The following DUSP19 variants were observed in gnomAD, a reference collection of about 807,000 sequenced individuals.
DUSP19 encodes the protein dual specificity protein phosphatase 19.
DUSP19 carries 14 observed loss-of-function variants against 16.6 expected under a neutral mutation model. That is an observed-to-expected ratio of 0.84 (90% CI 0.56 to 1.32). The LOEUF (loss-of-function observed/expected upper bound fraction) is 1.32, where lower values mean the gene tolerates loss of function less well. Ranked by LOEUF, DUSP19 falls within the 40% of genes most tolerant of loss-of-function variation. DUSP19 has a pLI of 0.00. For synonymous variants in DUSP19, 81 were observed against 90.5 expected, an observed-to-expected ratio of 0.90 and a Z score of 0.59; for missense variants, 258 against 255.9, an observed-to-expected ratio of 1.01 and a Z score of -0.06.
intron 2 of DUSP19, among the ~76,000 whole-genome samples, 188 bp from the exon 3 acceptor site, chr2:183,086,852 A>C (rs1204311960): frequency 6.6e-6 from 1 of 151,794 alleles, no homozygotes; most frequent in Non-Finnish European, 1.5e-5. Context: ...GTTAAAAGAG[A>C]GAGAGAGAGA....
chr2:183,080,531 A>G (rs1001601962), intron 1 of DUSP19, among the ~76,000 whole-genome samples: 7 of 152,222 alleles, frequency 4.6e-5, no homozygotes, highest in African/African-American at 1.7e-4. Context: ...CATATCTAGG[A>G]AAGAAAATAC....
chr2:183,083,548 G>A lies in DUSP19; in HGVS notation c.267G>A (p.Lys89=). The change falls in exon 2 of 4, where the codon AAG becomes AAA. Residue 89 remains lysine, a synonymous_variant. Transcript: ENST00000354221. ...DAAHDLDTLK[K]NKVTHILNVA... The stretch of plus-strand genomic sequence containing the variant: ...CTCATGATTTGGATACACTGAAAAA[G>A]AATAAGGTAAAAAAATGCTTTAAGT... 6.2e-7 allele frequency: 1 copy of A among 1,610,850 alleles called. No individual in the cohort carries two copies. The highest frequency in any genetic ancestry group is 8.5e-7 in the Non-Finnish European group (1 of 1,178,546).
At chr2:183,085,784 G>A (rs374940752) in intron 2 of DUSP19, among the ~76,000 whole-genome samples, 2 of 146,762 alleles carry the variant, frequency 1.4e-5, no homozygotes, top group Non-Finnish European at 3.0e-5. Flanking sequence ...GAAGATGCAC[G>A]AGCACATCCT....
At chr2:183,084,662 G>A (rs1174218338) in intron 2 of DUSP19, among the ~76,000 whole-genome samples, 1 of 152,172 alleles carries the variant, frequency 6.6e-6, no homozygotes, top group Non-Finnish European at 1.5e-5. Flanking sequence ...AAAGACTATG[G>A]AAAGCCACTG....
Position 183,079,115 on chromosome 2 carries a change from G to A in DUSP19, c.182G>A (p.Ser61Asn). 2 of 1,613,984 alleles carry A rather than the reference G, an allele frequency of 1.2e-6. No homozygotes were observed. The highest frequency in any genetic ancestry group is 1.3e-5 in the African/African-American group (1 of 74,998). ...GGGCGYVQDL[S>N]SDLQVGVIKP... ...GGTTGTGGTTATGTGCAGGACCTTA[G>A]CTCGGACCTGCAAGTTGGCGTTATT... is the stretch of plus-strand genomic sequence containing the variant. The change falls in exon 1 of 4, where the codon AGC (serine) becomes AAC (asparagine). Residue 61 changes from serine to asparagine, a missense_variant. Ser to Asn is a conservative substitution (Grantham distance 46). Coordinates refer to ENST00000354221, the MANE Select transcript of DUSP19 (RefSeq NM_080876.4).
intron 2 of DUSP19, among the ~76,000 whole-genome samples, chr2:183,086,205 C>T (rs1699659802): frequency 6.6e-6 from 1 of 152,062 alleles, no homozygotes; most frequent in African/African-American, 2.4e-5. Context: ...AAGAGTTCAT[C>T]AGGTGACTCT....
chr2:183,082,928 T>G (rs1355798629), intron 1 of DUSP19, among the ~76,000 whole-genome samples: 3 of 147,584 alleles, frequency 2.0e-5, no homozygotes, highest in Non-Finnish European at 4.5e-5. Flanking sequence ...GTTTTCTTTC[T>G]TCTGGCTGTG....
chr2:183,083,041 A>G (rs1699614373), intron 1 of DUSP19, among the ~76,000 whole-genome samples: 2 of 152,076 alleles, frequency 1.3e-5, no homozygotes, highest in Non-Finnish European at 2.9e-5. Flanking sequence ...ACCTGGGAAT[A>G]CAAGCATGCA....
At position 183,098,531 on chromosome 2, in the gene DUSP19, C is replaced by G. The variant is rs1699833483; in HGVS notation, c.*2873C>G. ...TCACATACTGCAAACTTAAAAGATA[C>G]ATACACCAAATATAGGTCTGTTTTA... On this transcript the variant is annotated 3_prime_UTR_variant, in exon 4 of 4. Coordinates refer to ENST00000354221, the MANE Select transcript of DUSP19 (RefSeq NM_080876.4). 6.6e-6 allele frequency: 1 copy of G among 152,126 alleles called. No homozygotes were observed. The highest frequency in any genetic ancestry group is 6.5e-5 in the Admixed American group (1 of 15,268). The allele number at this position is 152,126 out of a possible 1,614,324, so 9.4% of individuals were successfully genotyped here. A position where few individuals can be genotyped will look rare whatever the true frequency, so the allele number is the denominator to read the frequency against.
intron 3 of DUSP19, among the ~76,000 whole-genome samples, chr2:183,094,466 TCAC>T (rs901517998): frequency 3.9e-5 from 6 of 152,296 alleles, no homozygotes; most frequent in Non-Finnish European, 8.8e-5. Flanking sequence ...TGCTCACAGT[TCAC>T]CACATTTCAT....
intron 3 of DUSP19, among the ~76,000 whole-genome samples, chr2:183,088,774 G>A (rs1404238656): frequency 6.6e-6 from 1 of 152,052 alleles, no homozygotes; most frequent in Non-Finnish European, 1.5e-5. Flanking sequence ...CTGTTTTCTT[G>A]TTAAAAAATT....
chr2:183,087,527 T>TA (rs1699677532), intron 3 of DUSP19, among the ~76,000 whole-genome samples: 1 of 152,218 alleles, frequency 6.6e-6, no homozygotes, highest in Admixed American at 6.5e-5. Context: ...CTCTAAGGAC[T>TA]AAATGTGTAT....
At chr2:183,083,019 A>G (rs1289527912) in intron 1 of DUSP19, among the ~76,000 whole-genome samples, 1 of 151,992 alleles carries the variant, frequency 6.6e-6, no homozygotes, top group Non-Finnish European at 1.5e-5. Flanking sequence ...CTCCTGCCTT[A>G]GCCTTCTGAA....
Position 183,083,488 on chromosome 2 carries a change from G to T in DUSP19, c.227-20G>T, listed in dbSNP as rs1240444377. ...GATGATTATATTTGTGTTCAAGGTG[G>T]TATCATTTATTTCTTCTAGGGTCAC... On this transcript the variant is annotated intron_variant, in intron 1 of 3. Transcript: ENST00000354221. 2.5e-6 allele frequency: 4 copies of T among 1,591,522 alleles called. No homozygotes were observed. The highest frequency in any genetic ancestry group is 2.7e-5 in the African/African-American group (2 of 74,100).
chr2:183,080,637 G>A (rs1699581412), intron 1 of DUSP19, among the ~76,000 whole-genome samples: 1 of 152,134 alleles, frequency 6.6e-6, no homozygotes, highest in Non-Finnish European at 1.5e-5. Context: ...CACCAATTTA[G>A]GGTCTTCATG....
intron 3 of DUSP19, among the ~76,000 whole-genome samples, chr2:183,087,449 C>T (rs76070232): frequency 1.0e-3 from 159 of 152,224 alleles, no homozygotes; most frequent in African/African-American, 3.7e-3. Flanking sequence ...GATTAATATG[C>T]ATTTGATTTT....
rs745602817 is a variant in DUSP19 at position 183,087,062 on chromosome 2, C to T, written c.296C>T (p.Ala99Val). The T allele has an allele frequency of 1.2e-6, 2 of 1,611,740 alleles. No individual in the cohort carries two copies. The highest frequency in any genetic ancestry group is 8.5e-7 in the Non-Finnish European group (1 of 1,179,542). ...AAGGTGACTCATATTCTTAATGTTG[C>T]ATATGGAGTTGAAAATGCTTTCCTC... ...KNKVTHILNV[A>V]YGVENAFLSD... The change falls in exon 3 of 4, where the codon GCA becomes GTA. Residue 99 changes from alanine (A) to valine (V), a missense_variant. By Grantham distance (64) the Ala-to-Val change is moderately conservative (BLOSUM62 0). Transcript: ENST00000354221.
chr2:183,084,177 G>A (rs1020148871), intron 2 of DUSP19, among the ~76,000 whole-genome samples: 1 of 152,262 alleles, frequency 6.6e-6, no homozygotes, highest in East Asian at 1.9e-4. Context: ...GTGCATAGGA[G>A]ATGATGCTCT....
In DUSP19 at chr2:183,099,560, A is replaced by G. The variant is rs1699848221; in HGVS notation, c.*3902A>G. The G allele has an allele frequency of 6.6e-6, 1 of 152,216 alleles. No homozygotes were observed. Among genetic ancestry groups the G allele is most frequent in the South Asian group, 2.1e-4 (1 of 4,832 alleles). The allele number at this position is 152,216 out of a possible 1,614,324, so 9.4% of individuals were successfully genotyped here. ...AGCTTTGAGTTACTTGTTTTTATAC[A>G]TATTCATCATGTACCCTTTATTGTT... On this transcript the variant is annotated 3_prime_UTR_variant, in exon 4 of 4. Coordinates refer to ENST00000354221, the MANE Select transcript of DUSP19 (RefSeq NM_080876.4).
Sources: gnomAD v4.1 joint callset for allele counts (sites outside exome capture counted in the v4.1 genomes callset) on GRCh38, gnomAD v4.1.1 for gene constraint, MANE v1.5 for transcripts, NCBI Gene and HGNC (gene_info 2026-07-23, HGNC 2026-07-21) for gene names.